Variants in USH2A observed in about 807,000 individuals in gnomAD.
USH2A encodes Usher syndrome 2A (autosomal recessive, mild).
A neutral mutation model predicts 538.9 loss-of-function variants in USH2A; 443 were observed. The ratio of observed to expected loss-of-function variants is 0.82; its 90% CI spans 0.76 to 0.89. The LOEUF (loss-of-function observed/expected upper bound fraction) is 0.89. Among genes scored for constraint, USH2A ranks in the 40% least tolerant of loss-of-function variants. The pLI is 0.00. For missense variants in USH2A, 6,633 were observed against 6,324.8 expected, an observed-to-expected ratio of 1.05 and a Z score of -1.65; for synonymous variants, 2,413 against 2,273.5, an observed-to-expected ratio of 1.06 and a Z score of -1.75.
At chr1:216,207,130 G>T in intron 16 of USH2A, 143 bp downstream of exon 16, 1 of 931,520 alleles carries the variant, frequency 1.1e-6, no homozygotes, top group Non-Finnish European at 1.6e-6. Context: ...GATTACTAGT[G>T]AAATTTGTAA....
In USH2A at chr1:215,878,932, G is replaced by T; in HGVS notation, c.8390C>A (p.Ser2797Ter). ...CCCTCCAAGGTACCCATTACCCCCT[G>T]AGCAAGCAACAATGGTGACAGAATA... Reference protein sequence around the residue: ...TNYSVTIVACSGGNGYLGGCT... With the variant: ...TNYSVTIVAC Residue 2797 changes from serine (S) to a stop codon, truncating the protein, a stop_gained, in exon 42 of 72, where the codon TCA (serine) becomes TAA (stop). Coordinates refer to ENST00000307340, the MANE Select transcript of USH2A (RefSeq NM_206933.4). LOFTEE classifies it high-confidence loss of function. The T allele has an allele frequency of 6.2e-7, 1 of 1,614,054 alleles. No individual in the cohort carries two copies. The highest frequency in any genetic ancestry group is 2.2e-5 in the East Asian group (1 of 44,854).
chr1:215,736,549 T>C (rs1288506489), intron 60 of USH2A, among the ~76,000 whole-genome samples: 7 of 152,034 alleles, frequency 4.6e-5, no homozygotes, highest in Admixed American at 2.0e-4. Context: ...TATTTAGAAA[T>C]AAGGAGTAGA....
intron 21 of USH2A, among the ~76,000 whole-genome samples, chr1:216,137,260 G>A (rs936451545): frequency 4.6e-5 from 7 of 152,060 alleles, no homozygotes; most frequent in Admixed American, 2.0e-4. Context: ...TTGTTTTCAC[G>A]CTGCTGATAA....
intron 21 of USH2A, among the ~76,000 whole-genome samples, chr1:216,166,435 C>G (rs1013800130): frequency 6.6e-6 from 1 of 152,038 alleles, no homozygotes; most frequent in Non-Finnish European, 1.5e-5. Flanking sequence ...AAGGGCATCT[C>G]TCGCTGGGAA....
At chr1:216,015,588 G>T (rs530331861) in intron 32 of USH2A, among the ~76,000 whole-genome samples, 7 of 152,122 alleles carry the variant, frequency 4.6e-5, no homozygotes, top group Non-Finnish European at 1.0e-4. Context: ...TTGAGGAATC[G>T]CCACACTGTC....
chr1:215,693,092 A>ATATATATATATGTG (rs371000210), intron 61 of USH2A, among the ~76,000 whole-genome samples: 5 of 131,664 alleles, frequency 3.8e-5, no homozygotes, highest in African/African-American at 8.6e-5. Context: ...ATATATATAT[A>ATATATATATATGTG]TGTGTGTGTG....
intron 35 of USH2A, among the ~76,000 whole-genome samples, chr1:215,972,111 T>C (rs1667507656): frequency 6.6e-6 from 1 of 152,164 alleles, no homozygotes; most frequent in Admixed American, 6.6e-5. Context: ...CGGCTGAACC[T>C]ACAAACTACA....
intron 21 of USH2A, among the ~76,000 whole-genome samples, chr1:216,151,728 T>C (rs1018403261): frequency 3.3e-5 from 5 of 152,134 alleles, no homozygotes. Flanking sequence ...ATGAGGAGTG[T>C]TGTTTTTACC....
intron 32 of USH2A, among the ~76,000 whole-genome samples, chr1:216,006,032 A>G (rs1316606687): frequency 3.3e-5 from 5 of 152,074 alleles, no homozygotes; most frequent in Admixed American, 1.3e-4. Context: ...TCTCTCCTCT[A>G]TGACTTCAGC....
chr1:215,753,726 G>A (rs1033937508), intron 58 of USH2A, among the ~76,000 whole-genome samples: 25 of 152,100 alleles, frequency 1.6e-4, no homozygotes, highest in Non-Finnish European at 3.4e-4. Flanking sequence ...ACGAGTTAAT[G>A]GGTGCAGCAC....
chr1:216,173,515 G>C (rs1558297509), intron 21 of USH2A, among the ~76,000 whole-genome samples: 1 of 152,176 alleles, frequency 6.6e-6, no homozygotes, highest in Non-Finnish European at 1.5e-5. Context: ...TTTCTGTGCA[G>C]CTGGAGGCTT....
chr1:215,773,492 G>GTCTGTC (rs1491235923), intron 55 of USH2A, among the ~76,000 whole-genome samples: 162 of 84,470 alleles, frequency 1.9e-3, no homozygotes, highest in African/African-American at 0.01. Flanking sequence ...CTGTCTCTCT[G>GTCTGTC]TCTCTCTCTC....
chr1:215,648,009 A>T (rs939571821), intron 66 of USH2A, among the ~76,000 whole-genome samples: 1 of 152,336 alleles, frequency 6.6e-6, no homozygotes, highest in South Asian at 2.1e-4. Context: ...TAGAGATAAG[A>T]CATTTCCCTC....
rs544842016 is a variant in USH2A, at chr1:215,879,988, C to A, written c.8224-890G>T. Among the ~76,000 whole-genome samples the A allele has an allele frequency of 2.2e-4, 34 of 152,256 alleles. No homozygotes were observed. In the South Asian group the frequency reaches 6.8e-3, roughly 31 times the overall value. ...CCAGGATATATATCTCATGTCCCAG[C>A]CTGTAAGCTTCTTCATAGCAGGGAT... is the stretch of plus-strand genomic sequence containing the variant. On this transcript the variant is annotated intron_variant, in intron 41 of 71. Coordinates refer to ENST00000307340, the MANE Select transcript of USH2A (RefSeq NM_206933.4).
At chr1:216,353,351 A>G (rs2038322748) in intron 4 of USH2A, among the ~76,000 whole-genome samples, 1 of 152,124 alleles carries the variant, frequency 6.6e-6, no homozygotes. Flanking sequence ...CGCTGGGGGC[A>G]CCGAGATTAA....
chr1:215,930,374 C>T (rs1482328177), intron 38 of USH2A, among the ~76,000 whole-genome samples: 4 of 150,560 alleles, frequency 2.7e-5, no homozygotes, highest in African/African-American at 9.7e-5. Context: ...GTAACAAAGA[C>T]AGTTTCAGAC....
At chr1:215,836,466 A>ATATATATATATAATATATAT (rs1663491309) in intron 47 of USH2A, among the ~76,000 whole-genome samples, 1 of 8,724 alleles carries the variant, frequency 1.1e-4, no homozygotes, top group Non-Finnish European at 2.1e-4. Flanking sequence ...TATATATATT[A>ATATATATATATAATATATAT]TATATATATA....
intron 21 of USH2A, among the ~76,000 whole-genome samples, chr1:216,154,157 G>T (rs144137092): frequency 3.3e-5 from 5 of 151,984 alleles, no homozygotes; most frequent in East Asian, 3.9e-4. Context: ...ATAAAATATA[G>T]TCCTTTCTAT....
Position 215,830,576 on chromosome 1 carries a change from G to A in USH2A, c.9371+7415C>T, listed in dbSNP as rs1054162916. 1.4e-3 allele frequency among the ~76,000 whole-genome samples: 220 copies of A among 152,228 alleles called. 1 individual carries two copies. Among genetic ancestry groups the A allele is most frequent in the Non-Finnish European group, 3.8e-4 (26 of 68,010 alleles). ...CATATCATTCTAGCCAAAAATCCAG[G>A]GAAGGAAGTCCAAAGGAGCTGGAAA... On this transcript the variant is annotated intron_variant, in intron 47 of 71. Transcript: ENST00000307340.
Sources: allele counts gnomAD v4.1 joint callset (sites outside exome capture counted in the v4.1 genomes callset), GRCh38; gene constraint gnomAD v4.1.1; transcripts MANE v1.5; gene names NCBI Gene and HGNC (gene_info 2026-07-23, HGNC 2026-07-21).